HIPK2: variants seen among roughly 807,000 people sequenced by gnomAD.
HIPK2 encodes the protein homeodomain interacting protein kinase 2.
HIPK2 carries 27 observed loss-of-function variants against 113.7 expected under a neutral mutation model. That is an observed-to-expected ratio of 0.24 (90% CI 0.17 to 0.33). The LOEUF (loss-of-function observed/expected upper bound fraction) is 0.33. Among genes scored for constraint, HIPK2 ranks in the 10% least tolerant of loss-of-function variants. The pLI, the probability that HIPK2 is intolerant of heterozygous loss-of-function variation, is 1.00. For synonymous variants in HIPK2, 631 were observed against 642.2 expected (o/e 0.98, Z 0.26); for missense variants, 1,257 against 1,588.0 (o/e 0.79, Z 3.54).
At position 139,601,283 on chromosome 7, in the gene HIPK2, A is replaced by T. The variant is rs576527921; in HGVS notation, c.2256-687T>A. Among the ~76,000 whole-genome samples, 403 of 152,220 alleles carry T rather than the reference A, an allele frequency of 2.6e-3. 2 individuals carry two copies. Among genetic ancestry groups the T allele is most frequent in the African/African-American group, 9.3e-3 (387 of 41,500 alleles). ...GTTTCACCTTAATTTTATAAAAAAA[A>T]TTTTTAAATGAAGAAAAAGCGGAAT... is the stretch of plus-strand genomic sequence containing the variant. On this transcript the variant is annotated intron_variant, in intron 10 of 14. Transcript: ENST00000406875.
chr7:139,664,007 A>G (rs1280595149), intron 2 of HIPK2, among the ~76,000 whole-genome samples: 1 of 152,192 alleles, frequency 6.6e-6, no homozygotes, highest in Non-Finnish European at 1.5e-5. Flanking sequence ...CCATTCTTCA[A>G]GGAGGACTCT....
chr7:139,634,123 A>T (rs1461008425), intron 2 of HIPK2, among the ~76,000 whole-genome samples: 2 of 151,568 alleles, frequency 1.3e-5, no homozygotes, highest in Non-Finnish European at 2.9e-5. Context: ...AAAAAAAAAA[A>T]ATTTTAGTTT....
At position 139,604,128 on chromosome 7, in the gene HIPK2, G is replaced by A. The variant is rs371469565; in HGVS notation, c.2208C>T (p.Thr736=). 53 of 1,613,828 alleles carry A rather than the reference G, an allele frequency of 3.3e-5. 1 individual carries two copies. In the African/African-American group the frequency reaches 6.4e-4, roughly 20 times the overall value. Residue 736 remains threonine (T), a synonymous_variant, in exon 10 of 15, where the codon ACC becomes ACT. Transcript: ENST00000406875. ...TGCCTGCCATGGTCTCGGGAATCAC[G>A]GTGGCATGCTGCACTGATGTGTGGG... ...VATHTSVQHA[T]VIPETMAGTQ...
At chr7:139,686,685 G>A (rs1447892074) in intron 2 of HIPK2, among the ~76,000 whole-genome samples, 1 of 152,232 alleles carries the variant, frequency 6.6e-6, no homozygotes, top group East Asian at 1.9e-4. Flanking sequence ...CCAGCCCTGT[G>A]AAACTGTGAG....
Position 139,630,563 on chromosome 7 carries a change from A to G in HIPK2, c.1347+602T>C, listed in dbSNP as rs1234732059. ...CAGGAGCATGCCACCACGCCCAGCT[A>G]ATTTTTATACTTTTAGTAGAGACGG... On this transcript the variant is annotated intron_variant, in intron 4 of 14. Coordinates refer to ENST00000406875, the MANE Select transcript of HIPK2 (RefSeq NM_022740.5). The surrounding 1 kb of genome is among the most constrained non-coding windows in gnomAD (Gnocchi z 4.0). Among the ~76,000 whole-genome samples the G allele has an allele frequency of 6.6e-6, 1 of 152,076 alleles. No individual in the cohort carries two copies. Among genetic ancestry groups the G allele is most frequent in the African/African-American group, 2.4e-5 (1 of 41,414 alleles).
intron 1 of HIPK2, among the ~76,000 whole-genome samples, chr7:139,749,830 C>T (rs1796251982): frequency 6.6e-6 from 1 of 152,216 alleles, no homozygotes; most frequent in Non-Finnish European, 1.5e-5. Context: ...ACTGTCCTGG[C>T]ACTGTCCACT....
At chr7:139,753,861 G>A (rs1257823742) in intron 1 of HIPK2, among the ~76,000 whole-genome samples, 1 of 152,346 alleles carries the variant, frequency 6.6e-6, no homozygotes, top group Admixed American at 6.5e-5. Flanking sequence ...TGGGGAAGGC[G>A]CCAGTGGAGA....
intron 1 of HIPK2, chr7:139,722,105 G>A (rs563157890): frequency 2.8e-5 from 11 of 398,336 alleles, no homozygotes; most frequent in African/African-American, 1.0e-4. Flanking sequence ...ACACAGACAC[G>A]AGTTCATGTG....
At chr7:139,609,515 T>C (rs1027810807) in intron 9 of HIPK2, among the ~76,000 whole-genome samples, 3 of 152,222 alleles carry the variant, frequency 2.0e-5, no homozygotes, top group Admixed American at 1.3e-4. Flanking sequence ...AAAAGAACAA[T>C]GTCAACTTTT....
chr7:139,769,581 A>G (rs1351977054), intron 1 of HIPK2, among the ~76,000 whole-genome samples: 1 of 152,222 alleles, frequency 6.6e-6, no homozygotes, highest in African/African-American at 2.4e-5. Context: ...AATGAATTCC[A>G]TTATGCACTC....
chr7:139,698,111 C>T (rs1794613742), intron 2 of HIPK2, among the ~76,000 whole-genome samples: 1 of 152,116 alleles, frequency 6.6e-6, no homozygotes, highest in African/African-American at 2.4e-5. Context: ...GTGATCTGTC[C>T]ATCTTGGCCT....
intron 2 of HIPK2, among the ~76,000 whole-genome samples, chr7:139,635,365 G>A (rs940171068): frequency 2.6e-5 from 4 of 152,140 alleles, no homozygotes; most frequent in Admixed American, 6.5e-5. Flanking sequence ...GGTTAGTTAC[G>A]TGGTTCTCAT....
intron 1 of HIPK2, among the ~76,000 whole-genome samples, chr7:139,756,413 G>C (rs1011181195): frequency 6.6e-6 from 1 of 152,174 alleles, no homozygotes. Context: ...ACTTTATTTA[G>C]TTTTTGTTTG....
chr7:139,716,821 G>A lies in HIPK2; in HGVS notation c.214C>T (p.Pro72Ser). 6.2e-7 allele frequency: 1 copy of A among 1,613,890 alleles called. No homozygotes were observed. The highest frequency in any genetic ancestry group is 1.1e-5 in the South Asian group (1 of 91,068). ...TAAGGTAGGCTTGGGTTTGGGACCG[G>A]CAAGGAGGTGCTGACGGTTGTGGTG... ...PATTTVSTSLPVPNPSLPYEQ... is the reference protein window; with the variant it reads ...PATTTVSTSLSVPNPSLPYEQ... Residue 72 changes from proline to serine, a missense_variant, in exon 2 of 15, where the codon CCG (proline) becomes TCG (serine). This residue lies in a region of HIPK2 where 209 missense variants were observed against 237.8 expected (regional missense o/e 0.88). Transcript: ENST00000406875. The surrounding 1 kb of genome is among the most constrained non-coding windows in gnomAD (Gnocchi z 9.3).
In HIPK2 at chr7:139,752,651, C is replaced by G. The variant is rs371551027; in HGVS notation, c.19+24954G>C. On this transcript the variant is annotated intron_variant, in intron 1 of 14. Coordinates refer to ENST00000406875, the MANE Select transcript of HIPK2 (RefSeq NM_022740.5). ...TGAGGACACGATTCTCCAAAGTTAA[C>G]TTCTATAAAGCAAATCCTATTTCTC... Among the ~76,000 whole-genome samples the G allele has an allele frequency of 3.8e-3, 577 of 151,042 alleles. 5 individuals carry two copies. Among genetic ancestry groups the G allele is most frequent in the African/African-American group, 0.013 (542 of 41,106 alleles).
chr7:139,650,632 G>A (rs1159534863), intron 2 of HIPK2, among the ~76,000 whole-genome samples: 1 of 152,190 alleles, frequency 6.6e-6, no homozygotes, highest in Non-Finnish European at 1.5e-5. Flanking sequence ...ACTGAGCAGG[G>A]CAAACCTGTG....
intron 2 of HIPK2, among the ~76,000 whole-genome samples, chr7:139,672,752 G>T (rs9719149): frequency 0.43 from 65,225 of 152,032 alleles, 16,073 homozygotes; most frequent in Non-Finnish European, 0.56. Context: ...GAGCCACCGC[G>T]CCTGGCCACA....
At chr7:139,673,383 G>A (rs1483398379) in intron 2 of HIPK2, among the ~76,000 whole-genome samples, 2 of 152,176 alleles carry the variant, frequency 1.3e-5, no homozygotes, top group African/African-American at 2.4e-5. Context: ...TCTCTTACAG[G>A]AGACCAGCCT....
rs1797960711 is a variant in HIPK2 at position 139,561,938 on chromosome 7, T to C, written c.*10989A>G. Reference sequence around the variant, plus strand: ...ATTAATTTAGAAGCACACGACGTCATGATGAAAAACACAAGCATTTTAGTA... The same window carrying C: ...ATTAATTTAGAAGCACACGACGTCACGATGAAAAACACAAGCATTTTAGTA... On this transcript the variant is annotated 3_prime_UTR_variant, in exon 15 of 15. Transcript: ENST00000406875. 6.6e-6 allele frequency: 1 copy of C among 152,212 alleles called. No individual in the cohort carries two copies. Among genetic ancestry groups the C allele is most frequent in the Non-Finnish European group, 1.5e-5 (1 of 68,036 alleles). The allele number at this position is 152,212 out of a possible 1,614,324, so 9.4% of individuals were successfully genotyped here.
Sources: gnomAD v4.1 joint callset for allele counts (sites outside exome capture counted in the v4.1 genomes callset) on GRCh38, gnomAD v4.1.1 for gene constraint, gnomAD v4.1.1 regional missense constraint, Gnocchi (gnomAD v3.1) non-coding constraint, MANE v1.5 for transcripts, NCBI Gene and HGNC (gene_info 2026-07-23, HGNC 2026-07-21) for gene names.